The following RGL1 variants were observed in gnomAD, a reference collection of about 807,000 sequenced individuals.
RGL1 encodes the protein ral guanine nucleotide dissociation stimulator like 1, also known as ral guanine nucleotide dissociation stimulator-like 1.
RGL1 carries 24 observed loss-of-function variants against 95.2 expected under a neutral mutation model. The ratio of observed to expected loss-of-function variants is 0.25; its 90% CI spans 0.18 to 0.35. The LOEUF is 0.35. Ranked by LOEUF, RGL1 falls within the 10% of genes least tolerant of loss-of-function variation. The probability of loss-of-function intolerance (pLI) is 1.00; values close to 1 mark genes in which losing one functional copy is unlikely to be tolerated. For synonymous variants in RGL1, 329 were observed against 344.9 expected (o/e 0.95, Z 0.51); for missense variants, 715 against 936.3 (o/e 0.76, Z 3.08).
At position 183,864,033 on chromosome 1, in the gene RGL1, A is replaced by C. The variant is rs1011855082; in HGVS notation, c.348-1963A>C. On this transcript the variant is annotated intron_variant, in intron 3 of 17. Transcript: ENST00000360851. Reference sequence around the variant, plus strand: ...ACATTCTGGGGAGGAACTGTGATAGATGTTGGTGCCATCCAAACCTGCACC... The same window carrying C: ...ACATTCTGGGGAGGAACTGTGATAGCTGTTGGTGCCATCCAAACCTGCACC... 2.0e-5 allele frequency among the ~76,000 whole-genome samples: 3 copies of C among 152,202 alleles called. No homozygotes were observed. In the South Asian group the frequency reaches 6.2e-4, roughly 32 times the overall value.
chr1:183,898,230 C>A (rs987021609), intron 10 of RGL1, among the ~76,000 whole-genome samples: 2 of 152,200 alleles, frequency 1.3e-5, no homozygotes, highest in African/African-American at 4.8e-5. Flanking sequence ...AGCTGCTCCA[C>A]CTTGGCCTGA....
chr1:183,665,723 G>A (rs1478970340), intron 1 of RGL1, among the ~76,000 whole-genome samples: 1 of 152,220 alleles, frequency 6.6e-6, no homozygotes, highest in East Asian at 1.9e-4. Context: ...GATCCGTAGT[G>A]ATGATGTCCC....
intron 1 of RGL1, among the ~76,000 whole-genome samples, chr1:183,681,359 A>C (rs533938613): frequency 2.6e-5 from 4 of 152,202 alleles, no homozygotes; most frequent in African/African-American, 9.6e-5. Context: ...ATCAAAGCCT[A>C]GTTTATTGAG....
intron 1 of RGL1, among the ~76,000 whole-genome samples, chr1:183,642,498 C>A (rs1430019377): frequency 6.6e-6 from 1 of 152,082 alleles, no homozygotes; most frequent in African/African-American, 2.4e-5. Flanking sequence ...ATAATACTTA[C>A]TTTTTTCTAA....
chr1:183,659,213 CTT>C (rs1295091908), intron 1 of RGL1, among the ~76,000 whole-genome samples: 1 of 152,230 alleles, frequency 6.6e-6, no homozygotes, highest in Admixed American at 6.5e-5. Flanking sequence ...CGGAGAATGA[CTT>C]TGACGAATTG....
intron 3 of RGL1, among the ~76,000 whole-genome samples, chr1:183,864,721 A>G (rs1324327950): frequency 2.0e-5 from 3 of 152,176 alleles, no homozygotes; most frequent in Non-Finnish European, 2.9e-5. Context: ...CCAGTGGAAA[A>G]TATCTTTGAG....
intron 2 of RGL1, among the ~76,000 whole-genome samples, chr1:183,799,748 A>T (rs1370221644): frequency 1.3e-5 from 2 of 152,140 alleles, no homozygotes; most frequent in Admixed American, 1.3e-4. Context: ...TTTATTACAT[A>T]CTTATTTCGA....
intron 2 of RGL1, among the ~76,000 whole-genome samples, chr1:183,796,775 AG>A (rs1217442981): frequency 1.3e-5 from 2 of 152,206 alleles, no homozygotes; most frequent in Non-Finnish European, 2.9e-5. Context: ...TTTTGGTCAA[AG>A]CCTCCATGGC....
At position 183,906,998 on chromosome 1, in the gene RGL1, C is replaced by T; in HGVS notation, c.1473-14C>T. 1 of 1,532,036 alleles carries T rather than the reference C, an allele frequency of 6.5e-7. No individual in the cohort carries two copies. The highest frequency in any genetic ancestry group is 9.0e-7 in the Non-Finnish European group (1 of 1,106,584). 94.9% of individuals were successfully genotyped at this position (1,532,036 alleles called of 1,614,324 possible). On this transcript the variant is annotated splice_polypyrimidine_tract_variant and intron_variant, in intron 13 of 17. Coordinates refer to ENST00000360851, the MANE Select transcript of RGL1 (RefSeq NM_001297671.3). ...TCTAACTTTGACCTCATGGAGCCCC[C>T]TTCTCTTTCTCAGCTATGCCCTGTC... is the stretch of plus-strand genomic sequence containing the variant.
At chr1:183,647,743 T>G in intron 1 of RGL1, 15 of 1,613,936 alleles carry the variant, frequency 9.3e-6, no homozygotes, top group Non-Finnish European at 1.2e-5. Flanking sequence ...TGTTCTGTGA[T>G]TTCCACTATC....
intron 1 of RGL1, chr1:183,647,524 A>G: frequency 8.1e-7 from 1 of 1,227,104 alleles, no homozygotes. Context: ...GTGTAACTTT[A>G]TAATAGTTGA....
chr1:183,838,921 T>A (rs1056633108), intron 2 of RGL1, among the ~76,000 whole-genome samples: 2 of 152,218 alleles, frequency 1.3e-5, no homozygotes, highest in Non-Finnish European at 2.9e-5. Flanking sequence ...CACATTTGGC[T>A]CGTGCAAGAG....
chr1:183,860,885 G>A (rs1665472726), intron 3 of RGL1, among the ~76,000 whole-genome samples: 2 of 152,106 alleles, frequency 1.3e-5, no homozygotes, highest in South Asian at 4.2e-4. Flanking sequence ...ATTGAATGAG[G>A]ACTAAATGAG....
intron 15 of RGL1, among the ~76,000 whole-genome samples, chr1:183,915,182 C>T (rs139825221): frequency 1.5e-3 from 230 of 152,304 alleles, no homozygotes; most frequent in African/African-American, 5.3e-3. Flanking sequence ...CCATTTTAAT[C>T]AGAAGCCTGA....
intron 14 of RGL1, 127 bp from the exon 15 acceptor site, chr1:183,911,955 A>T (rs72733471): frequency 0.064 from 49,514 of 777,098 alleles, 2,007 homozygotes; most frequent in Non-Finnish European, 0.081. Flanking sequence ...ATGTCCTCCT[A>T]AAATAATAAT....
At chr1:183,678,812 G>A (rs532758870) in intron 1 of RGL1, among the ~76,000 whole-genome samples, 1 of 152,334 alleles carries the variant, frequency 6.6e-6, no homozygotes, top group African/African-American at 2.4e-5. Flanking sequence ...GTCTCACACT[G>A]ACTGGTTACC....
intron 1 of RGL1, among the ~76,000 whole-genome samples, chr1:183,729,063 A>G (rs183520439): frequency 1.3e-5 from 2 of 152,316 alleles, no homozygotes; most frequent in East Asian, 3.9e-4. Context: ...CTTAAACAGG[A>G]CACAAAATAG....
chr1:183,877,775 A>T (rs988045387), intron 4 of RGL1, among the ~76,000 whole-genome samples: 1 of 152,054 alleles, frequency 6.6e-6, no homozygotes, highest in Non-Finnish European at 1.5e-5. Context: ...CACAAAGAGT[A>T]AAAAAATGTA....
At chr1:183,703,040 C>T (rs2102148338) in intron 1 of RGL1, among the ~76,000 whole-genome samples, 1 of 152,262 alleles carries the variant, frequency 6.6e-6, no homozygotes, top group South Asian at 2.1e-4. Context: ...CAGTTCTCTT[C>T]CTGCTTCTGC....
Sources: gnomAD v4.1 joint callset for allele counts (sites outside exome capture counted in the v4.1 genomes callset) on GRCh38, gnomAD v4.1.1 for gene constraint, MANE v1.5 for transcripts, NCBI Gene and HGNC (gene_info 2026-07-23, HGNC 2026-07-21) for gene names.